CCDC171: variants seen among roughly 807,000 people sequenced by gnomAD.
The protein encoded by CCDC171 is coiled-coil domain containing 171, also known as coiled-coil domain-containing protein 171.
In CCDC171, 177 loss-of-function variants were observed where a neutral mutation model predicts 168.2. That is an observed-to-expected ratio of 1.05 (90% CI 0.93 to 1.19). The LOEUF (loss-of-function observed/expected upper bound fraction) is 1.19. CCDC171 is among the 50% of genes most tolerant of loss of function. CCDC171 has a pLI of 0.00. For synonymous variants in CCDC171, 687 were observed against 540.8 expected, an observed-to-expected ratio of 1.27 and a Z score of -3.75; for missense variants, 1,991 against 1,539.0, an observed-to-expected ratio of 1.29 and a Z score of -4.91.
chr9:15,662,949 C>G (rs1441121414), intron 8 of CCDC171, among the ~76,000 whole-genome samples: 1 of 152,000 alleles, frequency 6.6e-6, no homozygotes, highest in Non-Finnish European at 1.5e-5. Context: ...CCACTACACT[C>G]CAGCCTGGGG....
chr9:16,069,161 G>A, the CCDC171 span, among the ~76,000 whole-genome samples: 6 of 152,166 alleles, frequency 3.9e-5, no homozygotes, highest in Non-Finnish European at 7.3e-5. Context: ...CCTACATGAC[G>A]TAAGGAGTAA....
intron 24 of CCDC171, among the ~76,000 whole-genome samples, chr9:15,881,381 C>T (rs1259821748): frequency 3.9e-5 from 6 of 151,992 alleles, no homozygotes; most frequent in Admixed American, 3.3e-4. Flanking sequence ...TTTTAGGGTA[C>T]ATGTGATAAT....
chr9:15,624,452 A>G (rs1055474488), intron 7 of CCDC171, among the ~76,000 whole-genome samples: 1 of 151,940 alleles, frequency 6.6e-6, no homozygotes, highest in Admixed American at 6.6e-5. Flanking sequence ...TCCTAATGCT[A>G]TCCCTCCCCA....
chr9:15,825,347 G>A (rs796152061), intron 21 of CCDC171, among the ~76,000 whole-genome samples: 5 of 152,136 alleles, frequency 3.3e-5, no homozygotes, highest in African/African-American at 1.2e-4. Flanking sequence ...AGGGAAATAG[G>A]GCTATCACAT....
At chr9:15,757,346 C>T (rs114853764) in intron 18 of CCDC171, among the ~76,000 whole-genome samples, 2 of 152,128 alleles carry the variant, frequency 1.3e-5, no homozygotes, top group Non-Finnish European at 2.9e-5. Context: ...TATGTTTTAG[C>T]AAATAGACTG....
At chr9:16,033,969 C>G (rs996346556) in intron 6 of CCDC171, among the ~76,000 whole-genome samples, 8 of 152,184 alleles carry the variant, frequency 5.3e-5, no homozygotes, top group African/African-American at 1.7e-4. Context: ...CAGCCTGAGG[C>G]TGCCCCAGAA....
At position 15,625,786 on chromosome 9, in the gene CCDC171, T is replaced by A. The variant is rs573821099; in HGVS notation, c.822+2373T>A. On this transcript the variant is annotated intron_variant, in intron 7 of 25. Transcript: ENST00000380701. ...GCTTTGTTCTTTTTGCTTAGGATTG[T>A]CTTGGCAATGCGGGCTCTTTTTTGG... Among the ~76,000 whole-genome samples the A allele has an allele frequency of 3.9e-5, 6 of 152,306 alleles. No individual in the cohort carries two copies. In the East Asian group the frequency reaches 9.6e-4, roughly 24 times the overall value.
intron 20 of CCDC171, among the ~76,000 whole-genome samples, chr9:15,780,323 CT>C (rs1028113810): frequency 4.7e-5 from 7 of 149,202 alleles, no homozygotes; most frequent in African/African-American, 7.4e-5. Context: ...GCTGCTTCAA[CT>C]TTTTTTTTTC....
intron 3 of CCDC171, among the ~76,000 whole-genome samples, chr9:16,020,433 C>G (rs1237636362): frequency 6.6e-6 from 1 of 152,168 alleles, no homozygotes; most frequent in Non-Finnish European, 1.5e-5. Flanking sequence ...TCCTTCTTTA[C>G]AATTTCATGA....
chr9:15,964,128 A>G (rs1288127097), intron 25 of CCDC171, among the ~76,000 whole-genome samples: 1 of 152,172 alleles, frequency 6.6e-6, no homozygotes, highest in Admixed American at 6.5e-5. Flanking sequence ...ATATTGCCCT[A>G]TCAGAGGGAA....
chr9:15,868,771 G>A (rs4961713), intron 23 of CCDC171, among the ~76,000 whole-genome samples: 67 of 151,892 alleles, frequency 4.4e-4, no homozygotes, highest in African/African-American at 1.6e-3. Flanking sequence ...ACTAGACTTA[G>A]TATCCTCATA....
At chr9:15,599,336 C>T (rs1003832157) in intron 6 of CCDC171, among the ~76,000 whole-genome samples, 1 of 152,110 alleles carries the variant, frequency 6.6e-6, no homozygotes, top group Admixed American at 6.6e-5. Flanking sequence ...TCTTTTAGGG[C>T]AGGCCTGGTG....
chr9:16,067,747 A>G, the CCDC171 span, among the ~76,000 whole-genome samples: 1 of 152,144 alleles, frequency 6.6e-6, no homozygotes, highest in Non-Finnish European at 1.5e-5. Context: ...CGTTTTTCTC[A>G]GGTTTGTCAA....
intron 6 of CCDC171, among the ~76,000 whole-genome samples, chr9:16,032,717 G>A (rs945171759): frequency 6.6e-6 from 1 of 152,098 alleles, no homozygotes; most frequent in African/African-American, 2.4e-5. Flanking sequence ...TCCTGGGCTC[G>A]AGTGATCCTC....
At chr9:15,962,918 C>T (rs1830482762) in intron 25 of CCDC171, among the ~76,000 whole-genome samples, 1 of 150,870 alleles carries the variant, frequency 6.6e-6, no homozygotes, top group African/African-American at 2.4e-5. Flanking sequence ...TATATATATA[C>T]ACATAAACAC....
At chr9:15,723,825 T>C in intron 13 of CCDC171, 79 bp downstream of exon 13, 1 of 620,804 alleles carries the variant, frequency 1.6e-6, no homozygotes, top group Non-Finnish European at 2.7e-6. Flanking sequence ...AGTAGAGATA[T>C]TGAGGTACCT....
intron 2 of CCDC171, 51 bp downstream of exon 2, chr9:15,564,180 A>G (rs2039540653): frequency 2.2e-6 from 3 of 1,388,766 alleles, no homozygotes; most frequent in Middle Eastern, 1.8e-4. Flanking sequence ...AGTTGCAAGG[A>G]ACAGGGAGAA....
intron 21 of CCDC171, among the ~76,000 whole-genome samples, chr9:15,795,975 TAC>T (rs1363688051): frequency 1.3e-5 from 2 of 152,188 alleles, no homozygotes; most frequent in Non-Finnish European, 2.9e-5. Context: ...TCTCAAAGAA[TAC>T]AGTCAAGACT....
the CCDC171 span, among the ~76,000 whole-genome samples, chr9:16,108,495 C>A: frequency 6.6e-6 from 1 of 152,192 alleles, no homozygotes; most frequent in Non-Finnish European, 1.5e-5. Flanking sequence ...TCTGTGCCGC[C>A]CATAGGCACT....
Sources: allele counts gnomAD v4.1 joint callset (sites outside exome capture counted in the v4.1 genomes callset), GRCh38; gene constraint gnomAD v4.1.1; transcripts MANE v1.5; gene names NCBI Gene and HGNC (gene_info 2026-07-23, HGNC 2026-07-21).